Variants in CEPT1 observed in about 807,000 individuals in gnomAD.
The protein encoded by CEPT1 is choline/ethanolaminephosphotransferase 1.
Under a neutral mutation model 42.6 loss-of-function variants are expected in CEPT1, and 7 were observed. The ratio of observed to expected loss-of-function variants is 0.16; its 90% confidence interval spans 0.09 to 0.31. The LOEUF (loss-of-function observed/expected upper bound fraction) is 0.31. Ranked by LOEUF, CEPT1 falls within the 10% of genes least tolerant of loss-of-function variation. The pLI is 1.00. For synonymous variants in CEPT1, 171 were observed against 171.9 expected (o/e 0.99, Z 0.04); for missense variants, 306 against 502.1 (o/e 0.61, Z 3.73).
chr1:111,146,564 A>G (rs770089928), intron 1 of CEPT1, among the ~76,000 whole-genome samples: 1 of 152,102 alleles, frequency 6.6e-6, no homozygotes, highest in Non-Finnish European at 1.5e-5. Context: ...TTTCATTTTT[A>G]CCATCCTACT....
chr1:111,184,462 C>A lies in CEPT1; in HGVS notation c.*152C>A. 2 of 541,742 alleles carry A rather than the reference C, an allele frequency of 3.7e-6. No individual in the cohort carries two copies. The highest frequency in any genetic ancestry group is 3.1e-5 in the South Asian group (1 of 32,238). The allele number at this position is 541,742 out of a possible 1,614,324, so 33.6% of individuals were successfully genotyped here. A position where few individuals can be genotyped will look rare whatever the true frequency, so the allele number is the denominator to read the frequency against. ...ATTATTGGTAACACGCCCTAACTATCCTGTGTGAGAATGGGAATTTCAAGT... is the reference window on the plus strand; with the variant it reads ...ATTATTGGTAACACGCCCTAACTATACTGTGTGAGAATGGGAATTTCAAGT... On this transcript the variant is annotated 3_prime_UTR_variant, in exon 9 of 9. Transcript: ENST00000357172.
At chr1:111,157,700 G>T (rs1422470532) in intron 2 of CEPT1, among the ~76,000 whole-genome samples, 1 of 152,158 alleles carries the variant, frequency 6.6e-6, no homozygotes, top group Admixed American at 6.5e-5. Flanking sequence ...TATAACTCTG[G>T]CTTAGTGGAG....
chr1:111,153,946 T>C (rs1282926270), intron 2 of CEPT1, among the ~76,000 whole-genome samples: 2 of 152,134 alleles, frequency 1.3e-5, no homozygotes, highest in African/African-American at 4.8e-5. Context: ...GAGGTTTTTG[T>C]GATTCCATAC....
intron 4 of CEPT1, among the ~76,000 whole-genome samples, chr1:111,172,753 C>G (rs1388080286): frequency 2.0e-5 from 3 of 152,138 alleles, no homozygotes; most frequent in Non-Finnish European, 4.4e-5. Context: ...TCTCATGATT[C>G]AGAGCAGAAG....
At chr1:111,160,979 G>T in intron 3 of CEPT1, 176 bp from the exon 4 acceptor site, 54 of 566,804 alleles carry the variant, frequency 9.5e-5, no homozygotes, top group Non-Finnish European at 1.4e-4. Context: ...AAGAGAGATT[G>T]AAATTATGGG....
chr1:111,150,272 C>G (rs578235335), intron 2 of CEPT1, among the ~76,000 whole-genome samples: 24 of 152,224 alleles, frequency 1.6e-4, no homozygotes, highest in Admixed American at 6.5e-4. Flanking sequence ...CTCTTTAAAT[C>G]TTATTTTGTG....
chr1:111,171,368 C>T (rs1459493613), intron 4 of CEPT1, among the ~76,000 whole-genome samples: 1 of 152,148 alleles, frequency 6.6e-6, no homozygotes, highest in Non-Finnish European at 1.5e-5. Flanking sequence ...ATAGTCACTC[C>T]AACTAAAGAG....
At chr1:111,145,302 C>T (rs981471092) in intron 1 of CEPT1, among the ~76,000 whole-genome samples, 3 of 152,164 alleles carry the variant, frequency 2.0e-5, no homozygotes, top group Non-Finnish European at 2.9e-5. Flanking sequence ...CCGCGCCTGG[C>T]GAAATATTAA....
chr1:111,155,782 C>T (rs184126508), intron 2 of CEPT1, among the ~76,000 whole-genome samples: 61 of 152,332 alleles, frequency 4.0e-4, no homozygotes, highest in Admixed American at 1.2e-3. Flanking sequence ...AGGTGATCTG[C>T]CCGCCTTGGC....
At chr1:111,182,612 G>A in intron 6 of CEPT1, 187 bp from the exon 7 acceptor site, 1 of 596,526 alleles carries the variant, frequency 1.7e-6, no homozygotes, top group Non-Finnish European at 2.8e-6. Context: ...TCCTCAGTTT[G>A]TGCCTAATGA....
intron 2 of CEPT1, among the ~76,000 whole-genome samples, chr1:111,158,309 C>T (rs1655680076): frequency 6.6e-6 from 1 of 152,172 alleles, no homozygotes; most frequent in Non-Finnish European, 1.5e-5. Flanking sequence ...GCCAAGACTG[C>T]ACCACTGCAC....
intron 1 of CEPT1, 102 bp from the exon 2 acceptor site, chr1:111,147,540 G>A (rs1179425296): frequency 2.0e-6 from 1 of 507,500 alleles, no homozygotes; most frequent in African/African-American, 2.0e-5. Context: ...CTACTTTATT[G>A]ACAATTTGAT....
At position 111,162,985 on chromosome 1, in the gene CEPT1, G is replaced by A. The variant is rs533078072; in HGVS notation, c.629+1689G>A. Among the ~76,000 whole-genome samples, 3 of 152,246 alleles carry A rather than the reference G, an allele frequency of 2.0e-5. No homozygotes were observed. In the South Asian group the frequency reaches 6.2e-4, roughly 32 times the overall value. ...ATGAGAAAATTTTGAGCATTCAGAA[G>A]AAATCTGCTAGAGAAGAGATTGAAG... On this transcript the variant is annotated intron_variant, in intron 4 of 8. Transcript: ENST00000357172.
intron 4 of CEPT1, among the ~76,000 whole-genome samples, chr1:111,169,626 ATTTTCT>A (rs1656320744): frequency 6.6e-6 from 1 of 152,004 alleles, no homozygotes; most frequent in Non-Finnish European, 1.5e-5. Flanking sequence ...ACTTGCAGAG[ATTTTCT>A]TTTGCTTTTA....
At chr1:111,165,206 G>A (rs1440492249) in intron 4 of CEPT1, among the ~76,000 whole-genome samples, 2 of 151,232 alleles carry the variant, frequency 1.3e-5, no homozygotes, top group Non-Finnish European at 2.9e-5. Context: ...CCGCCACCAT[G>A]CCCGGCTAAT....
At chr1:111,173,664 C>T (rs1476536290) in intron 4 of CEPT1, among the ~76,000 whole-genome samples, 1 of 152,104 alleles carries the variant, frequency 6.6e-6, no homozygotes, top group East Asian at 1.9e-4. Context: ...TTTCCCAGCT[C>T]CCCAGTTTCT....
intron 4 of CEPT1, among the ~76,000 whole-genome samples, chr1:111,161,673 T>A (rs190951156): frequency 1.3e-5 from 2 of 152,362 alleles, no homozygotes; most frequent in East Asian, 3.9e-4. Context: ...AGCAGCGCCC[T>A]AATCCAATAT....
intron 4 of CEPT1, among the ~76,000 whole-genome samples, chr1:111,170,154 C>G (rs1459185250): frequency 1.3e-5 from 2 of 152,122 alleles, no homozygotes; most frequent in East Asian, 3.8e-4. Flanking sequence ...TTATTTAACT[C>G]AGAGATTGTG....
chr1:111,159,648 C>A, intron 3 of CEPT1, 121 bp downstream of exon 3: 1 of 694,734 alleles, frequency 1.4e-6, no homozygotes, highest in Non-Finnish European at 2.2e-6. Flanking sequence ...TTTAGTATTT[C>A]TCAAAAGACT....
Sources: gnomAD v4.1 joint callset for allele counts (sites outside exome capture counted in the v4.1 genomes callset) on GRCh38, gnomAD v4.1.1 for gene constraint, MANE v1.5 for transcripts, NCBI Gene and HGNC (gene_info 2026-07-23, HGNC 2026-07-21) for gene names.